CACNA1S: variants seen among roughly 807,000 people sequenced by gnomAD.
CACNA1S encodes voltage-dependent L-type calcium channel subunit alpha-1S.
CACNA1S carries 126 observed loss-of-function variants against 207.4 expected under a neutral mutation model. That is an observed-to-expected ratio of 0.61 (90% CI 0.53 to 0.70). CACNA1S has a LOEUF of 0.70. Among genes scored for constraint, CACNA1S ranks in the 30% least tolerant of loss-of-function variants. CACNA1S has a pLI of 0.00. For synonymous variants in CACNA1S, 960 were observed against 932.7 expected (o/e 1.03, Z -0.53); for missense variants, 2,349 against 2,422.8 (o/e 0.97, Z 0.64).
At chr1:201,078,749 G>T (rs771257009) in intron 10 of CACNA1S, among the ~76,000 whole-genome samples, 1 of 152,002 alleles carries the variant, frequency 6.6e-6, no homozygotes, top group East Asian at 1.9e-4. Flanking sequence ...TTTTCGGGAA[G>T]CTCCCTGTCC....
chr1:201,089,326 A>G lies in CACNA1S; in HGVS notation c.832T>C (p.Phe278Leu). ...PNHGITHFDN[F>L]GFSMLTVYQC... Reference sequence around the variant, plus strand: ...TACACGGTGAGCATGGAGAAGCCGAAGTTGTCGAAGTGGGTGATGCCATGG... The same window carrying G: ...TACACGGTGAGCATGGAGAAGCCGAGGTTGTCGAAGTGGGTGATGCCATGG... Residue 278 changes from phenylalanine to leucine, a missense_variant, in exon 6 of 44, where the codon TTC becomes CTC. Physicochemically the swap from Phe to Leu is conservative, Grantham distance 22. Coordinates refer to ENST00000362061, the MANE Select transcript of CACNA1S (RefSeq NM_000069.3). 3 of 1,614,264 alleles carry G rather than the reference A, an allele frequency of 1.9e-6. No homozygotes were observed. Among genetic ancestry groups the G allele is most frequent in the East Asian group, 2.2e-5 (1 of 44,886 alleles).
rs199625342 is a variant in CACNA1S at position 201,083,144 on chromosome 1, C to A, written c.1393+18G>T. On this transcript the variant is annotated intron_variant, in intron 10 of 43. Transcript: ENST00000362061. ...GCCACATGTGCCCTCCTCCCGGCTT[C>A]ACTCCGTTCCGCCTCACCTTGCAAA... 43 of 1,612,398 alleles carry A rather than the reference C, an allele frequency of 2.7e-5. No individual in the cohort carries two copies. Among genetic ancestry groups the A allele is most frequent in the Non-Finnish European group, 9.3e-6 (11 of 1,179,516 alleles).
chr1:201,091,006 T>A (rs532977753), intron 5 of CACNA1S, among the ~76,000 whole-genome samples: 1 of 152,246 alleles, frequency 6.6e-6, no homozygotes, highest in Non-Finnish European at 1.5e-5. Flanking sequence ...TATTGTGACA[T>A]GTTCCTCGGT....
intron 40 of CACNA1S, among the ~76,000 whole-genome samples, chr1:201,042,285 C>T (rs961531230): frequency 6.6e-6 from 1 of 152,174 alleles, no homozygotes; most frequent in Admixed American, 6.5e-5. Context: ...CAGGCATGCG[C>T]CACCACACCT....
At chr1:201,088,205 C>T (rs973553505) in intron 6 of CACNA1S, among the ~76,000 whole-genome samples, 7 of 152,194 alleles carry the variant, frequency 4.6e-5, no homozygotes, top group African/African-American at 4.8e-5. Context: ...AAGAGTGTCT[C>T]CTATCTGCCT....
At chr1:201,071,977 T>G (rs1661448559) in intron 16 of CACNA1S, among the ~76,000 whole-genome samples, 1 of 152,202 alleles carries the variant, frequency 6.6e-6, no homozygotes, top group African/African-American at 2.4e-5. Flanking sequence ...GGCAAACAGA[T>G]GCTAATCAGC....
chr1:201,066,027 A>C lies in CACNA1S; in HGVS notation c.2746-82T>G, dbSNP rs1484777885. On this transcript the variant is annotated intron_variant, in intron 21 of 43. Coordinates refer to ENST00000362061, the MANE Select transcript of CACNA1S (RefSeq NM_000069.3). This position sits in a 1 kb window ranked among gnomAD's most constrained non-coding sequence, Gnocchi z 4.3. Reference sequence around the variant, plus strand: ...CCAGTTGAGGAAACCCCAGGAGTGCAAGACTTGCTGCCTCCTGATGAGTTG... The same window carrying C: ...CCAGTTGAGGAAACCCCAGGAGTGCCAGACTTGCTGCCTCCTGATGAGTTG... 1.9e-6 allele frequency: 2 copies of C among 1,073,376 alleles called. No homozygotes were observed. Among genetic ancestry groups the C allele is most frequent in the Non-Finnish European group, 2.8e-6 (2 of 707,548 alleles). The allele number at this position is 1,073,376 out of a possible 1,614,324, so 66.5% of individuals were successfully genotyped here. A position where few individuals can be genotyped will look rare whatever the true frequency, so the allele number is the denominator to read the frequency against.
In CACNA1S at chr1:201,052,556, C is replaced by T; in HGVS notation, c.3953+1G>A. On this transcript the variant is annotated splice_donor_variant, in intron 32 of 43. Coordinates refer to ENST00000362061, the MANE Select transcript of CACNA1S (RefSeq NM_000069.3). LOFTEE classifies it high-confidence loss of function. ...GGGTGGGGGTGGCGGGAGACGCGTG[C>T]CTGAAGAGCAGTAGCACAGCTTGTG... 6.2e-7 allele frequency: 1 copy of T among 1,612,144 alleles called. No individual in the cohort carries two copies.
intron 28 of CACNA1S, among the ~76,000 whole-genome samples, chr1:201,055,753 A>G (rs1660818014): frequency 6.6e-6 from 1 of 152,142 alleles, no homozygotes; most frequent in African/African-American, 2.4e-5. Context: ...ATCAATCTTC[A>G]CGTGACTTTA....
chr1:201,056,571 C>T (rs1460086476), intron 28 of CACNA1S, among the ~76,000 whole-genome samples: 2 of 152,230 alleles, frequency 1.3e-5, no homozygotes, highest in African/African-American at 2.4e-5. Flanking sequence ...TGACATCCCA[C>T]CATGGCTCAG....
intron 3 of CACNA1S, among the ~76,000 whole-genome samples, 190 bp from the exon 4 acceptor site, chr1:201,092,304 T>G (rs1320067996): frequency 2.0e-5 from 3 of 152,162 alleles, no homozygotes; most frequent in Non-Finnish European, 1.5e-5. Flanking sequence ...TTAAAAGGAT[T>G]CTGACATCAA....
chr1:201,044,517 T>G, intron 38 of CACNA1S, 61 bp from the exon 39 acceptor site: 2 of 1,586,406 alleles, frequency 1.3e-6, no homozygotes, highest in Non-Finnish European at 1.7e-6. Context: ...CAGAACCACT[T>G]TTTCTTTTTT....
chr1:201,065,445 C>T (rs1343756970), intron 22 of CACNA1S, among the ~76,000 whole-genome samples: 1 of 152,120 alleles, frequency 6.6e-6, no homozygotes, highest in African/African-American at 2.4e-5. Context: ...ATCAAACTAA[C>T]CGTTTTCTTG....
intron 17 of CACNA1S, 137 bp from the exon 18 acceptor site, chr1:201,069,738 C>A (rs1242262353): frequency 1.9e-6 from 2 of 1,029,998 alleles, no homozygotes; most frequent in East Asian, 5.4e-5. Context: ...AGCCCTGCAC[C>A]TGCAGGGTCC....
At chr1:201,074,434 C>A in intron 14 of CACNA1S, 72 bp downstream of exon 14, 1 of 910,532 alleles carries the variant, frequency 1.1e-6, no homozygotes, top group South Asian at 1.4e-5. Flanking sequence ...TACAGGGAGG[C>A]CCTGTCCAGA....
At chr1:201,044,586 C>T in intron 38 of CACNA1S, 130 bp from the exon 39 acceptor site, 2 of 1,017,592 alleles carry the variant, frequency 2.0e-6, no homozygotes, top group Non-Finnish European at 2.9e-6. Flanking sequence ...TCTGAGCTCA[C>T]TGTAACCTCT....
intron 32 of CACNA1S, 141 bp downstream of exon 32, chr1:201,052,416 G>A: frequency 5.8e-6 from 4 of 685,812 alleles, no homozygotes; most frequent in Non-Finnish European, 1.1e-5. Context: ...ACCAAGCAGG[G>A]GACCCTTCTG....
chr1:201,071,806 GA>G (rs1204827375), intron 16 of CACNA1S, among the ~76,000 whole-genome samples: 1 of 152,230 alleles, frequency 6.6e-6, no homozygotes, highest in Non-Finnish European at 1.5e-5. Flanking sequence ...GATATTTGAA[GA>G]AATTTCATTA....
At chr1:201,055,307 A>AT (rs1443227940) in intron 28 of CACNA1S, among the ~76,000 whole-genome samples, 1 of 152,154 alleles carries the variant, frequency 6.6e-6, no homozygotes, top group Non-Finnish European at 1.5e-5. Context: ...CCTGGGGCAG[A>AT]TTTTCCCTGG....
Sources: gnomAD v4.1 joint callset for allele counts (sites outside exome capture counted in the v4.1 genomes callset) on GRCh38, gnomAD v4.1.1 for gene constraint, Gnocchi (gnomAD v3.1) non-coding constraint, MANE v1.5 for transcripts, NCBI Gene and HGNC (gene_info 2026-07-23, HGNC 2026-07-21) for gene names.